The following FAM156A variants were observed in gnomAD, a reference collection of about 807,000 sequenced individuals.
The protein encoded by FAM156A is protein FAM156A/FAM156B.
chrX:52,985,034 C>T (rs913804598), intron 1 of FAM156A, among the ~76,000 whole-genome samples: 48 of 111,003 alleles, frequency 4.3e-4, no homozygotes, highest in African/African-American at 1.4e-3. Context: ...CTGAATGACA[C>T]CATTTACCCA....
intron 1 of FAM156A, among the ~76,000 whole-genome samples, chrX:52,979,628 G>C (rs1480423062): frequency 9.0e-6 from 1 of 111,117 alleles, no homozygotes; most frequent in Non-Finnish European, 1.9e-5. Context: ...TGTCCTCACT[G>C]AGAAGAAGGA....
chrX:52,980,782 C>G lies in FAM156A; in HGVS notation c.-434+14524G>C, dbSNP rs868988962. Among the ~76,000 whole-genome samples, 559 of 38,448 alleles carry G rather than the reference C, an allele frequency of 0.015. 32 individuals are homozygous for G. In the Admixed American group the frequency reaches 0.15, roughly 10 times the overall value. 33.4% of individuals were successfully genotyped at this position (38,448 alleles called of 115,157 possible). A position where few individuals can be genotyped will look rare whatever the true frequency, so the allele number is the denominator to read the frequency against. Reference sequence around the variant, plus strand: ...AAGCAGCCTTTTGGTTAGGGTTCCTCTGTGTGTGTGTGTGTGTGTGTGTGT... The same window carrying G: ...AAGCAGCCTTTTGGTTAGGGTTCCTGTGTGTGTGTGTGTGTGTGTGTGTGT... On this transcript the variant is annotated intron_variant, in intron 1 of 4. Coordinates refer to the FAM156A transcript ENST00000610625.
intron 1 of FAM156A, among the ~76,000 whole-genome samples, chrX:52,977,987 C>G (rs1387054867): frequency 9.0e-6 from 1 of 111,254 alleles, no homozygotes; most frequent in Non-Finnish European, 1.9e-5. Context: ...AATTTATATG[C>G]TTTTGTGCTA....
chrX:52,977,926 TATG>T (rs782040396), intron 1 of FAM156A, among the ~76,000 whole-genome samples: 3 of 112,343 alleles, frequency 2.7e-5, no homozygotes, highest in Non-Finnish European at 5.6e-5. Context: ...GAATAATCCA[TATG>T]ATAATAATTT....
intron 1 of FAM156A, among the ~76,000 whole-genome samples, chrX:52,988,990 A>G (rs1930500137): frequency 8.9e-6 from 1 of 112,793 alleles, no homozygotes; most frequent in South Asian, 3.6e-4. Flanking sequence ...ATCCAATAGG[A>G]GAATGACTGA....
Position 52,975,051 on chromosome X carries a change from T to TACACACACAC in FAM156A, c.-433-10826_-433-10817dup, listed in dbSNP as rs61081750. 2.1e-3 allele frequency among the ~76,000 whole-genome samples: 173 copies of TACACACACAC among 83,630 alleles called. 1 individual carries two copies. The highest frequency in any genetic ancestry group is 8.1e-3 in the South Asian group (11 of 1,358). 72.6% of individuals were successfully genotyped at this position (83,630 alleles called of 115,157 possible). ...GCGCCCTCCCTCTCTGTTAAACACATACACACACACACACACACACACACA... is the reference window on the plus strand; with the variant it reads ...GCGCCCTCCCTCTCTGTTAAACACATACACACACACACACACACACACACACACACACACA... On this transcript the variant is annotated intron_variant, in intron 1 of 4. Transcript: ENST00000610625.
In FAM156A at chrX:52,980,782, C is replaced by CTGTGTGTGTG. The variant is rs1156303085; in HGVS notation, c.-434+14514_-434+14523dup. On this transcript the variant is annotated intron_variant, in intron 1 of 4. Transcript: ENST00000610625. ...AAGCAGCCTTTTGGTTAGGGTTCCT[C>CTGTGTGTGTG]TGTGTGTGTGTGTGTGTGTGTGTGT... Among the ~76,000 whole-genome samples the CTGTGTGTGTG allele has an allele frequency of 6.6e-3, 255 of 38,449 alleles. 7 individuals carry two copies. Among genetic ancestry groups the CTGTGTGTGTG allele is most frequent in the East Asian group, 0.01 (10 of 954 alleles). The allele number at this position is 38,449 out of a possible 115,157, so 33.4% of individuals were successfully genotyped here.
intron 1 of FAM156A, among the ~76,000 whole-genome samples, chrX:52,988,306 G>T (rs1448188817): frequency 1.8e-5 from 2 of 111,014 alleles, no homozygotes; most frequent in African/African-American, 6.5e-5. Flanking sequence ...ACTATGCTGA[G>T]TGAAGAAGCC....
intron 1 of FAM156A, among the ~76,000 whole-genome samples, chrX:52,978,468 A>G (rs1211006751): frequency 8.9e-6 from 1 of 112,053 alleles, no homozygotes; most frequent in Non-Finnish European, 1.9e-5. Flanking sequence ...CCATGGTACT[A>G]ATGGAGAAAG....
intron 1 of FAM156A, among the ~76,000 whole-genome samples, chrX:52,988,666 G>A (rs1930482512): frequency 1.8e-5 from 2 of 112,457 alleles, no homozygotes; most frequent in African/African-American, 6.5e-5. Flanking sequence ...ACATATGTAT[G>A]CCTAAACACT....
intron 1 of FAM156A, among the ~76,000 whole-genome samples, chrX:52,975,276 G>A (rs1413673275): frequency 8.1e-5 from 9 of 111,771 alleles, no homozygotes; most frequent in African/African-American, 1.3e-4. Flanking sequence ...TGGGTGCTAA[G>A]AGCCAGGGGC....
chrX:52,991,163 T>C (rs1163166532), intron 1 of FAM156A, among the ~76,000 whole-genome samples: 6 of 111,529 alleles, frequency 5.4e-5, no homozygotes, highest in South Asian at 3.8e-4. Context: ...AATTGGCTCA[T>C]GTGACTGTGG....
chrX:52,988,670 A>T (rs1287369667), intron 1 of FAM156A, among the ~76,000 whole-genome samples: 1 of 112,673 alleles, frequency 8.9e-6, no homozygotes, highest in Non-Finnish European at 1.9e-5. Context: ...ATGTATGCCT[A>T]AACACTATTG....
intron 1 of FAM156A, among the ~76,000 whole-genome samples, chrX:52,989,430 A>C (rs185687479): frequency 6.4e-4 from 72 of 112,045 alleles, no homozygotes; most frequent in Non-Finnish European, 1.2e-3. Context: ...AATCTGCTTT[A>C]TTAACGCCTC....
intron 1 of FAM156A, among the ~76,000 whole-genome samples, chrX:52,994,769 GT>G (rs1220811084): frequency 9.0e-6 from 1 of 111,121 alleles, no homozygotes; most frequent in East Asian, 2.8e-4. Flanking sequence ...GAGGCCAGGA[GT>G]TCAAAAACAG....
At chrX:52,990,732 C>T (rs1556795284) in intron 1 of FAM156A, among the ~76,000 whole-genome samples, 5 of 106,198 alleles carry the variant, frequency 4.7e-5, no homozygotes, top group African/African-American at 7.0e-5. Flanking sequence ...TGCAGTGAGC[C>T]GAGATCGCTC....
At chrX:52,992,681 T>A (rs1364853070) in intron 1 of FAM156A, among the ~76,000 whole-genome samples, 1 of 110,163 alleles carries the variant, frequency 9.1e-6, no homozygotes, top group African/African-American at 3.3e-5. Context: ...TGCACGTTCA[T>A]GTAACAACCA....
chrX:52,973,725 C>T (rs1384083261), intron 1 of FAM156A, among the ~76,000 whole-genome samples: 1 of 111,743 alleles, frequency 8.9e-6, no homozygotes, highest in Non-Finnish European at 1.9e-5. Context: ...TGCAGTGGCA[C>T]GATCTCTGCT....
At chrX:52,995,471 C>G (rs958155198), upstream of FAM156A, 1 of 112,797 alleles carries the variant, frequency 8.9e-6, no homozygotes, top group Non-Finnish European at 1.9e-5. Flanking sequence ...CTGTCACAAA[C>G]TGAAGGCCAA....
Sources: allele counts gnomAD v4.1 joint callset (sites outside exome capture counted in the v4.1 genomes callset), GRCh38; gene constraint gnomAD v4.1.1; transcripts MANE v1.5; gene names NCBI Gene and HGNC (gene_info 2026-07-23, HGNC 2026-07-21).